Variants in KCNIP4 observed in about 807,000 individuals in gnomAD.
The protein encoded by KCNIP4 is Kv channel-interacting protein 4.
A neutral mutation model predicts 34.0 loss-of-function variants in KCNIP4; 12 were observed. The observed-to-expected ratio is 0.35, with a 90% CI of 0.23 to 0.57. KCNIP4 has a LOEUF of 0.57. Among genes scored for constraint, KCNIP4 ranks in the 20% least tolerant of loss-of-function variants. The probability of loss-of-function intolerance (pLI) is 0.83; values close to 1 mark genes in which losing one functional copy is unlikely to be tolerated. For missense variants in KCNIP4, 238 were observed against 311.7 expected, an observed-to-expected ratio of 0.76 and a Z score of 1.78; for synonymous variants, 124 against 102.2, an observed-to-expected ratio of 1.21 and a Z score of -1.29.
chr4:20,815,477 A>G (rs1349379972), intron 3 of KCNIP4, among the ~76,000 whole-genome samples: 2 of 152,144 alleles, frequency 1.3e-5, no homozygotes, highest in African/African-American at 2.4e-5. Context: ...TGACCCAGGA[A>G]ACAAAACTGT....
intron 1 of KCNIP4, among the ~76,000 whole-genome samples, chr4:21,691,171 T>C (rs1711587006): frequency 6.6e-6 from 1 of 152,194 alleles, no homozygotes; most frequent in Non-Finnish European, 1.5e-5. Flanking sequence ...ATATTTCTCC[T>C]GCTTAGAGTA....
chr4:21,868,119 C>T (rs1725541573), intron 1 of KCNIP4, among the ~76,000 whole-genome samples: 1 of 152,132 alleles, frequency 6.6e-6, no homozygotes, highest in Admixed American at 6.5e-5. Context: ...TCTCTGAAAT[C>T]CTATGGATAG....
At chr4:21,323,663 T>A (rs938663114) in intron 1 of KCNIP4, among the ~76,000 whole-genome samples, 2 of 152,084 alleles carry the variant, frequency 1.3e-5, no homozygotes, top group African/African-American at 4.8e-5. Context: ...TCCATTTGTT[T>A]TTGATAGACA....
chr4:21,424,748 A>G (rs1269304438), intron 1 of KCNIP4, among the ~76,000 whole-genome samples: 5 of 152,348 alleles, frequency 3.3e-5, no homozygotes, highest in South Asian at 4.1e-4. Flanking sequence ...AGCATTAAAA[A>G]GTGGAACTTT....
intron 1 of KCNIP4, among the ~76,000 whole-genome samples, chr4:21,329,794 G>T (rs1458027953): frequency 2.0e-5 from 3 of 152,190 alleles, no homozygotes; most frequent in Non-Finnish European, 4.4e-5. Context: ...ATCGAAGAGG[G>T]TGACAGACTG....
intron 1 of KCNIP4, among the ~76,000 whole-genome samples, chr4:21,547,284 GC>G (rs1738223718): frequency 6.6e-6 from 1 of 152,034 alleles, no homozygotes; most frequent in South Asian, 2.1e-4. Context: ...CATTGATGCA[GC>G]CATAGCTGAC....
chr4:21,174,536 T>G (rs1324544180), intron 1 of KCNIP4, among the ~76,000 whole-genome samples: 1 of 152,220 alleles, frequency 6.6e-6, no homozygotes, highest in Non-Finnish European at 1.5e-5. Flanking sequence ...TACTTTGACT[T>G]AAGCTGGTCT....
intron 1 of KCNIP4, among the ~76,000 whole-genome samples, chr4:21,299,475 C>T (rs531470330): frequency 8.4e-4 from 128 of 152,194 alleles, no homozygotes; most frequent in African/African-American, 2.9e-3. Context: ...CCCTTTATTT[C>T]ATTACTAGAT....
At chr4:21,230,798 A>G (rs370361755) in intron 1 of KCNIP4, among the ~76,000 whole-genome samples, 1 of 152,126 alleles carries the variant, frequency 6.6e-6, no homozygotes, top group Non-Finnish European at 1.5e-5. Context: ...TGTCTTTGCT[A>G]TTGTGACTAG....
chr4:21,678,794 G>A (rs879439078), intron 1 of KCNIP4, among the ~76,000 whole-genome samples: 6 of 152,124 alleles, frequency 3.9e-5, no homozygotes, highest in Non-Finnish European at 5.9e-5. Context: ...CAACCACACT[G>A]TTATGGACGG....
rs535598746 is a variant in KCNIP4 at position 20,916,015 on chromosome 4, G to T, written c.62-33306C>A. Among the ~76,000 whole-genome samples the T allele has an allele frequency of 2.9e-4, 44 of 152,188 alleles. 1 individual carries two copies. The East Asian group carries it at 8.5e-3, about 29-fold the overall frequency. The stretch of plus-strand genomic sequence containing the variant: ...CTTTTCCCATATGGCTGGAAAAGGG[G>T]AATAAATTTTATGATGCCCCAAAAT... On this transcript the variant is annotated intron_variant, in intron 1 of 8. Coordinates refer to ENST00000382152, the MANE Select transcript of KCNIP4 (RefSeq NM_025221.6).
At chr4:21,492,221 T>C (rs770245319) in intron 1 of KCNIP4, among the ~76,000 whole-genome samples, 2 of 152,020 alleles carry the variant, frequency 1.3e-5, no homozygotes, top group Non-Finnish European at 2.9e-5. Context: ...CAGATATACA[T>C]ATACTTTTTT....
intron 1 of KCNIP4, among the ~76,000 whole-genome samples, chr4:21,005,877 TA>T (rs1390063185): frequency 6.6e-6 from 1 of 152,122 alleles, no homozygotes; most frequent in Non-Finnish European, 1.5e-5. Context: ...ATTTTTATCC[TA>T]AAACATACTC....
chr4:21,669,569 T>C (rs1422112340), intron 1 of KCNIP4, among the ~76,000 whole-genome samples: 7 of 152,202 alleles, frequency 4.6e-5, no homozygotes, highest in Admixed American at 2.0e-4. Flanking sequence ...AAAAGTTTTA[T>C]GTGGATTTTT....
intron 1 of KCNIP4, among the ~76,000 whole-genome samples, chr4:21,309,935 G>C (rs1024395712): frequency 6.6e-6 from 1 of 152,168 alleles, no homozygotes. Context: ...ATCACGTTGT[G>C]CTGATACTAT....
At chr4:21,512,529 T>C (rs952839592) in intron 1 of KCNIP4, among the ~76,000 whole-genome samples, 2 of 152,168 alleles carry the variant, frequency 1.3e-5, no homozygotes, top group African/African-American at 2.4e-5. Context: ...TTTTATTTTG[T>C]ACTTCTCCAC....
intron 1 of KCNIP4, among the ~76,000 whole-genome samples, chr4:21,231,816 A>G (rs892324482): frequency 6.6e-6 from 1 of 152,130 alleles, no homozygotes; most frequent in Admixed American, 6.6e-5. Flanking sequence ...TGAAATTGCA[A>G]TAACATTAAT....
At chr4:21,491,005 T>A (rs927210032) in intron 1 of KCNIP4, among the ~76,000 whole-genome samples, 6 of 152,084 alleles carry the variant, frequency 3.9e-5, no homozygotes, top group African/African-American at 1.4e-4. Context: ...ACAGAAAATC[T>A]CCACATCACT....
intron 1 of KCNIP4, among the ~76,000 whole-genome samples, chr4:21,074,200 T>C (rs1283511374): frequency 6.6e-6 from 1 of 152,230 alleles, no homozygotes; most frequent in African/African-American, 2.4e-5. Flanking sequence ...TGGAATAGTT[T>C]CAGAAGGAAT....
Sources: allele counts gnomAD v4.1 joint callset (sites outside exome capture counted in the v4.1 genomes callset), GRCh38; gene constraint gnomAD v4.1.1; transcripts MANE v1.5; gene names NCBI Gene and HGNC (gene_info 2026-07-23, HGNC 2026-07-21).